Variants in PCNX1 observed in about 807,000 individuals in gnomAD.
PCNX1 encodes pecanex 1.
In PCNX1, 78 loss-of-function variants were observed where a neutral mutation model predicts 242.2. That is an observed-to-expected ratio of 0.32 (90% confidence interval 0.27 to 0.39). PCNX1 has a LOEUF of 0.39. PCNX1 is among the 10% of genes least tolerant of loss of function. The pLI, the probability that PCNX1 is intolerant of heterozygous loss-of-function variation, is 1.00. For missense variants in PCNX1, 2,581 were observed against 2,856.5 expected, an observed-to-expected ratio of 0.90 and a Z score of 2.20; for synonymous variants, 1,024 against 1,032.9, an observed-to-expected ratio of 0.99 and a Z score of 0.17.
At chr14:70,925,098 C>G (rs1248188614) in intron 1 of PCNX1, among the ~76,000 whole-genome samples, 2 of 152,016 alleles carry the variant, frequency 1.3e-5, no homozygotes. Context: ...AAGTGATTCT[C>G]CTGCCTCAGA....
intron 11 of PCNX1, among the ~76,000 whole-genome samples, chr14:71,017,314 G>C (rs1379782132): frequency 6.6e-6 from 1 of 152,290 alleles, no homozygotes; most frequent in Middle Eastern, 3.4e-3. Context: ...AGAAAGGATA[G>C]CCTTTTCAAC....
intron 2 of PCNX1, among the ~76,000 whole-genome samples, chr14:70,957,859 G>T (rs1181572542): frequency 6.7e-6 from 1 of 149,154 alleles, no homozygotes; most frequent in East Asian, 1.9e-4. Context: ...GAGAGAGAGA[G>T]ACTAGGCAAG....
intron 18 of PCNX1, 104 bp from the exon 19 acceptor site, chr14:71,035,961 G>C (rs913292110): frequency 8.3e-6 from 6 of 722,814 alleles, no homozygotes; most frequent in Non-Finnish European, 1.2e-5. Flanking sequence ...GACTGAGCTA[G>C]CCAGGCAAAA....
chr14:70,988,492 A>AG (rs1202450488), intron 6 of PCNX1, 75 bp from the exon 7 acceptor site: 1 of 1,527,620 alleles, frequency 6.5e-7, no homozygotes, highest in Non-Finnish European at 9.0e-7. Flanking sequence ...TGGGAAGTCA[A>AG]GGGAAAGCCA....
intron 30 of PCNX1, 57 bp from the exon 31 acceptor site, chr14:71,101,932 AG>A (rs2062473784): frequency 1.1e-6 from 1 of 920,406 alleles, no homozygotes; most frequent in East Asian, 2.7e-5. Context: ...TAGTAACTGT[AG>A]AAGTTATCAG....
At chr14:71,035,929 C>CTTT in intron 18 of PCNX1, 136 bp from the exon 19 acceptor site, 1 of 477,344 alleles carries the variant, frequency 2.1e-6, no homozygotes, top group Non-Finnish European at 3.7e-6. Context: ...ATGAAAACTT[C>CTTT]TTTTTTTTTT....
intron 24 of PCNX1, among the ~76,000 whole-genome samples, chr14:71,052,591 T>C (rs1419545768): frequency 9.5e-6 from 1 of 104,870 alleles, no homozygotes; most frequent in East Asian, 4.3e-4. Context: ...CTTTCAGTAA[T>C]ATTGAATTAT....
chr14:71,075,881 G>C (rs1299108445), intron 27 of PCNX1, among the ~76,000 whole-genome samples: 1 of 151,962 alleles, frequency 6.6e-6, no homozygotes, highest in Non-Finnish European at 1.5e-5. Flanking sequence ...GTAAGACTCT[G>C]TCTCTAAATA....
At chr14:71,038,615 C>T (rs1409330974) in intron 19 of PCNX1, among the ~76,000 whole-genome samples, 2 of 151,106 alleles carry the variant, frequency 1.3e-5, no homozygotes, top group Non-Finnish European at 3.0e-5. Context: ...CACTTTTACA[C>T]TGTTGGTGGG....
chr14:70,977,418 C>T lies in PCNX1; in HGVS notation c.1081C>T (p.Pro361Ser), dbSNP rs1168482584. Residue 361 changes from proline to serine, a missense_variant, in exon 6 of 36, where the codon CCT (proline) becomes TCT (serine). This residue lies in a region of PCNX1 where 1,204 missense variants were observed against 1,216.7 expected (regional missense o/e 0.99). Transcript: ENST00000304743. ...QPPTKSGKSKPLKAEKSMDSL... is the reference protein window; with the variant it reads ...QPPTKSGKSKSLKAEKSMDSL... ...ACCCACAAAAAGTGGGAAGAGCAAACCTTTGAAAGCAGAGAAAAGCATGGA... is the reference window on the plus strand; with the variant it reads ...ACCCACAAAAAGTGGGAAGAGCAAATCTTTGAAAGCAGAGAAAAGCATGGA... The T allele has an allele frequency of 6.2e-7, 1 of 1,614,046 alleles. No homozygotes were observed. The highest frequency in any genetic ancestry group is 1.1e-5 in the South Asian group (1 of 91,080).
intron 18 of PCNX1, among the ~76,000 whole-genome samples, chr14:71,035,432 G>A (rs1221513680): frequency 6.6e-6 from 1 of 152,158 alleles, no homozygotes; most frequent in African/African-American, 2.4e-5. Flanking sequence ...AAGAAAATAA[G>A]ATTTTTTGTG....
intron 7 of PCNX1, among the ~76,000 whole-genome samples, chr14:70,994,401 A>ATATATATG (rs2059271612): frequency 2.1e-4 from 7 of 33,824 alleles, no homozygotes; most frequent in Non-Finnish European, 3.7e-4. Flanking sequence ...CTTAAGATAT[A>ATATATATG]TATATATATA....
chr14:70,934,465 A>G (rs1889420690), intron 1 of PCNX1, among the ~76,000 whole-genome samples: 2 of 152,228 alleles, frequency 1.3e-5, no homozygotes, highest in Non-Finnish European at 2.9e-5. Context: ...TTTTTGTTTC[A>G]GAGACAGGGT....
At chr14:71,093,657 TG>T (rs2062195871) in intron 30 of PCNX1, 1 of 152,256 alleles carries the variant, frequency 6.6e-6, no homozygotes, top group African/African-American at 2.4e-5. Context: ...AAAGGAAAAA[TG>T]TCAGAAAAGT....
At chr14:71,066,941 G>A (rs967517649) in intron 26 of PCNX1, among the ~76,000 whole-genome samples, 3 of 152,184 alleles carry the variant, frequency 2.0e-5, no homozygotes, top group African/African-American at 4.8e-5. Flanking sequence ...AACCAGCCTT[G>A]CATCCCAGGG....
At chr14:70,971,114 A>ATTTTTTTTTTTTT (rs2058525883) in intron 5 of PCNX1, among the ~76,000 whole-genome samples, 1 of 24,556 alleles carries the variant, frequency 4.1e-5, no homozygotes, top group Admixed American at 5.6e-4. Flanking sequence ...TACTTTATAT[A>ATTTTTTTTTTTTT]GTTTTTTTTT....
intron 30 of PCNX1, among the ~76,000 whole-genome samples, chr14:71,098,707 CAG>C (rs557451497): frequency 7.2e-5 from 11 of 152,214 alleles, no homozygotes; most frequent in East Asian, 3.9e-4. Flanking sequence ...AGCTTTTTGG[CAG>C]AGTCTTCTGG....
chr14:71,106,024 A>T (rs1169680453), intron 33 of PCNX1, among the ~76,000 whole-genome samples: 1 of 150,716 alleles, frequency 6.6e-6, no homozygotes, highest in Non-Finnish European at 1.5e-5. Context: ...TATTATTTTT[A>T]ATTTTTTGAG....
intron 1 of PCNX1, among the ~76,000 whole-genome samples, chr14:70,940,966 C>T (rs2057216412): frequency 6.6e-6 from 1 of 152,184 alleles, no homozygotes; most frequent in Non-Finnish European, 1.5e-5. Context: ...CCATGGTTTT[C>T]AGCTCCATCA....
Sources: gnomAD v4.1 joint callset for allele counts (sites outside exome capture counted in the v4.1 genomes callset) on GRCh38, gnomAD v4.1.1 for gene constraint, gnomAD v4.1.1 regional missense constraint, MANE v1.5 for transcripts, NCBI Gene and HGNC (gene_info 2026-07-23, HGNC 2026-07-21) for gene names.